WDR70: variants seen among roughly 807,000 people sequenced by gnomAD.
WDR70 encodes WD repeat domain 70.
WDR70 carries 53 observed loss-of-function variants against 88.6 expected under a neutral mutation model. That is an observed-to-expected ratio of 0.60 (90% confidence interval 0.48 to 0.75). The LOEUF (loss-of-function observed/expected upper bound fraction) is 0.75, where lower values mean the gene tolerates loss of function less well. Ranked by LOEUF, WDR70 falls within the 30% of genes least tolerant of loss-of-function variation. WDR70 has a pLI of 0.00. For missense variants in WDR70, 610 were observed against 823.2 expected (o/e 0.74, Z 3.17); for synonymous variants, 280 against 270.0 (o/e 1.04, Z -0.36).
Position 37,722,817 on chromosome 5 carries a change from A to C in WDR70, c.1518-38A>C, listed in dbSNP as rs747369538. ...CAACATGAAATTTTCTGTTTCTAAG[A>C]CCAAGTAAAGAAAATAATTTGCTTT... On this transcript the variant is annotated intron_variant, in intron 14 of 17. Transcript: ENST00000265107. 6 of 1,596,746 alleles carry C rather than the reference A, an allele frequency of 3.8e-6. No homozygotes were observed. The Admixed American group carries it at 6.7e-5, about 18-fold the overall frequency.
chr5:37,609,668 G>T (rs1479074182), intron 10 of WDR70, among the ~76,000 whole-genome samples: 3 of 152,208 alleles, frequency 2.0e-5, no homozygotes, highest in Non-Finnish European at 4.4e-5. Context: ...CTTTTGGCCT[G>T]CAAGCCCTTG....
intron 10 of WDR70, among the ~76,000 whole-genome samples, chr5:37,691,391 G>A (rs1352894274): frequency 1.3e-5 from 2 of 152,024 alleles, no homozygotes; most frequent in South Asian, 2.1e-4. Flanking sequence ...TCTCCATCCC[G>A]AATCAACAGA....
chr5:37,699,629 G>A (rs1324647262), intron 11 of WDR70, among the ~76,000 whole-genome samples: 8 of 152,002 alleles, frequency 5.3e-5, no homozygotes, highest in Admixed American at 2.0e-4. Flanking sequence ...TTTGAAGATT[G>A]TGGAGATATG....
chr5:37,612,848 A>G (rs1337933027), intron 10 of WDR70, among the ~76,000 whole-genome samples: 1 of 152,196 alleles, frequency 6.6e-6, no homozygotes, highest in Non-Finnish European at 1.5e-5. Context: ...TCTTTTTACA[A>G]ATATTCAACA....
intron 13 of WDR70, among the ~76,000 whole-genome samples, chr5:37,710,823 A>ATTG (rs1417894704): frequency 1.3e-5 from 2 of 151,738 alleles, no homozygotes; most frequent in African/African-American, 4.8e-5. Context: ...TATTATTATT[A>ATTG]TTGGTGGAGG....
At chr5:37,643,118 G>C (rs1311887076) in intron 10 of WDR70, among the ~76,000 whole-genome samples, 1 of 152,100 alleles carries the variant, frequency 6.6e-6, no homozygotes, top group African/African-American at 2.4e-5. Flanking sequence ...TTTATAATTT[G>C]AGATCTTAGA....
chr5:37,680,642 T>G (rs770479238), intron 10 of WDR70, among the ~76,000 whole-genome samples: 3 of 152,240 alleles, frequency 2.0e-5, no homozygotes, highest in Non-Finnish European at 2.9e-5. Context: ...CTAGCGCTAT[T>G]TATTAAATAG....
intron 8 of WDR70, among the ~76,000 whole-genome samples, chr5:37,503,208 T>C (rs1740455436): frequency 6.6e-6 from 1 of 152,178 alleles, no homozygotes; most frequent in Admixed American, 6.5e-5. Context: ...ACAGGCTTCA[T>C]AGAATGAGTT....
intron 5 of WDR70, among the ~76,000 whole-genome samples, chr5:37,412,826 A>C (rs546778429): frequency 6.6e-6 from 1 of 152,300 alleles, no homozygotes; most frequent in South Asian, 2.1e-4. Flanking sequence ...TCAAAGCGGG[A>C]GAAAACTATC....
intron 7 of WDR70, among the ~76,000 whole-genome samples, chr5:37,444,022 G>A (rs1349795278): frequency 6.6e-6 from 1 of 151,422 alleles, no homozygotes; most frequent in African/African-American, 2.4e-5. Context: ...GGTGGCTCAT[G>A]CCTGTAATCC....
intron 5 of WDR70, among the ~76,000 whole-genome samples, chr5:37,398,275 A>C (rs1749088258): frequency 6.6e-6 from 1 of 151,864 alleles, no homozygotes; most frequent in African/African-American, 2.4e-5. Context: ...TTTTTAGTAG[A>C]GATGAGGTTT....
intron 9 of WDR70, among the ~76,000 whole-genome samples, chr5:37,602,937 A>G (rs947309554): frequency 6.6e-6 from 1 of 152,190 alleles, no homozygotes; most frequent in East Asian, 1.9e-4. Context: ...AGATTGCGCC[A>G]CGGCACTCCA....
chr5:37,575,363 G>A (rs913180858), intron 9 of WDR70, among the ~76,000 whole-genome samples: 1 of 152,126 alleles, frequency 6.6e-6, no homozygotes, highest in Non-Finnish European at 1.5e-5. Context: ...GGTGATAGAA[G>A]CATGTTTTGT....
At chr5:37,742,092 G>A (rs1404524147) in intron 17 of WDR70, among the ~76,000 whole-genome samples, 2 of 152,110 alleles carry the variant, frequency 1.3e-5, no homozygotes, top group Admixed American at 1.3e-4. Flanking sequence ...CAGTTTTGGA[G>A]GGTATATACC....
intron 14 of WDR70, chr5:37,722,018 T>C (rs1747834091): frequency 6.6e-6 from 1 of 152,168 alleles, no homozygotes. Flanking sequence ...TCATTGGCCA[T>C]AATTTTGCTC....
At chr5:37,395,094 C>T (rs1469605589) in intron 4 of WDR70, among the ~76,000 whole-genome samples, 1 of 152,102 alleles carries the variant, frequency 6.6e-6, no homozygotes, top group Non-Finnish European at 1.5e-5. Flanking sequence ...AGAGATACTT[C>T]ATTAGAAGGC....
chr5:37,717,290 A>C (rs557540954), intron 13 of WDR70, among the ~76,000 whole-genome samples: 1 of 152,364 alleles, frequency 6.6e-6, no homozygotes, highest in East Asian at 1.9e-4. Flanking sequence ...GTTTATTAAA[A>C]TATGCAGACT....
At chr5:37,689,882 G>A (rs1189286929) in intron 10 of WDR70, among the ~76,000 whole-genome samples, 1 of 152,206 alleles carries the variant, frequency 6.6e-6, no homozygotes, top group Admixed American at 6.5e-5. Context: ...ACAGAAGTAG[G>A]CTTCAGAAGG....
chr5:37,510,254 C>A (rs1740684590), intron 8 of WDR70, among the ~76,000 whole-genome samples: 2 of 151,866 alleles, frequency 1.3e-5, no homozygotes, highest in Non-Finnish European at 2.9e-5. Context: ...TTCCTTTTCC[C>A]TCCTCCATTC....
Sources: gnomAD v4.1 joint callset for allele counts (sites outside exome capture counted in the v4.1 genomes callset) on GRCh38, gnomAD v4.1.1 for gene constraint, MANE v1.5 for transcripts, NCBI Gene and HGNC (gene_info 2026-07-23, HGNC 2026-07-21) for gene names.